The following FAT3 variants were observed in gnomAD, a reference collection of about 807,000 sequenced individuals.
FAT3 encodes the protein FAT atypical cadherin 3.
FAT3 carries 95 observed loss-of-function variants against 310.2 expected under a neutral mutation model. The ratio of observed to expected loss-of-function variants is 0.31; its 90% CI spans 0.26 to 0.36. FAT3 has a LOEUF of 0.36. FAT3 is among the 10% of genes least tolerant of loss of function. The pLI is 1.00. For missense variants in FAT3, 5,408 were observed against 5,715.6 expected, an observed-to-expected ratio of 0.95 and a Z score of 1.74; for synonymous variants, 2,314 against 2,192.9, an observed-to-expected ratio of 1.06 and a Z score of -1.54.
Position 92,844,655 on chromosome 11 carries a change from C to G in FAT3, c.11288C>G (p.Ala3763Gly), listed in dbSNP as rs183919308. 1 of 1,608,110 alleles carries G rather than the reference C, an allele frequency of 6.2e-7. No individual in the cohort carries two copies. Among genetic ancestry groups the G allele is most frequent in the Non-Finnish European group, 8.5e-7 (1 of 1,176,916 alleles). The change falls in exon 19 of 28, where the codon GCG (alanine) becomes GGG (glycine). Residue 3763 changes from alanine (A) to glycine (G), a missense_variant. Around this residue, in one of 5 missense-constraint regions of FAT3, gnomAD observed 4,588 missense variants for 4,809.8 expected, o/e 0.95. Transcript: ENST00000525166. ...CEQGLSLDSH[A>G]LMTYSTARIS... Reference sequence around the variant, plus strand: ...CAAGGCTTGTCACTCGATTCCCACGCGCTCATGACCTACAGCACGGCTCGC... The same window carrying G: ...CAAGGCTTGTCACTCGATTCCCACGGGCTCATGACCTACAGCACGGCTCGC...
Position 92,716,520 on chromosome 11 carries a change from T to C in FAT3, c.3669+19075T>C, listed in dbSNP as rs550691156. Among the ~76,000 whole-genome samples, 94 of 152,344 alleles carry C rather than the reference T, an allele frequency of 6.2e-4. 1 individual carries two copies. Among genetic ancestry groups the C allele is most frequent in the Non-Finnish European group, 1.0e-3 (69 of 68,032 alleles). On this transcript the variant is annotated intron_variant, in intron 4 of 27. Coordinates refer to ENST00000525166, the MANE Select transcript of FAT3 (RefSeq NM_001367949.2). The stretch of plus-strand genomic sequence containing the variant: ...ATATACAAAAATTATCTTTTTACTT[T>C]TACAGAAAATTTGCATATATCTTAG...
At chr11:92,400,155 A>G (rs2134860795) in intron 2 of FAT3, 1 of 152,294 alleles carries the variant, frequency 6.6e-6, no homozygotes, top group South Asian at 2.1e-4. Flanking sequence ...ATCTAGCAAA[A>G]TGAGTTGAAG....
intron 2 of FAT3, among the ~76,000 whole-genome samples, chr11:92,437,738 TC>T (rs1443469055): frequency 6.6e-6 from 1 of 152,158 alleles, no homozygotes; most frequent in Non-Finnish European, 1.5e-5. Context: ...GCTTGGCTTT[TC>T]CGTGTAGTGC....
At chr11:92,505,366 C>T (rs1201123245) in intron 2 of FAT3, among the ~76,000 whole-genome samples, 2 of 152,158 alleles carry the variant, frequency 1.3e-5, no homozygotes, top group Admixed American at 1.3e-4. Context: ...AGATATTACA[C>T]TTGATTCCTG....
intron 1 of FAT3, among the ~76,000 whole-genome samples, chr11:92,271,042 A>G (rs1388894237): frequency 6.6e-6 from 1 of 152,048 alleles, no homozygotes; most frequent in African/African-American, 2.4e-5. Flanking sequence ...TGTTCAAGCC[A>G]TCAGGATCTC....
intron 20 of FAT3, among the ~76,000 whole-genome samples, chr11:92,857,635 T>C (rs1042986090): frequency 5.3e-5 from 8 of 152,120 alleles, no homozygotes; most frequent in African/African-American, 1.7e-4. Context: ...TGTGAAATTG[T>C]GGAAAATAAA....
intron 7 of FAT3, among the ~76,000 whole-genome samples, chr11:92,782,923 C>T (rs1460385578): frequency 6.6e-6 from 1 of 152,314 alleles, no homozygotes; most frequent in Non-Finnish European, 1.5e-5. Flanking sequence ...CATCCTGAAC[C>T]TACTTAAAAG....
chr11:92,353,977 GCTT>G lies in FAT3; in HGVS notation c.1869_1871del (p.Phe624del), dbSNP rs1215373780. On this transcript the variant is annotated inframe_deletion, in exon 2 of 28. Transcript: ENST00000525166. ...AAAATCATTTCTGGAAATGAACTTG[GCTT>G]CTTTTATTTAAACCCAGATTCTGGT... The G allele has an allele frequency of 6.2e-7, 1 of 1,612,620 alleles. No individual in the cohort carries two copies.
intron 22 of FAT3, among the ~76,000 whole-genome samples, chr11:92,869,584 T>G (rs1279765345): frequency 6.6e-6 from 1 of 152,180 alleles, no homozygotes; most frequent in Non-Finnish European, 1.5e-5. Flanking sequence ...ATACCAATAG[T>G]ATATCAATAG....
intron 3 of FAT3, among the ~76,000 whole-genome samples, chr11:92,654,806 G>A (rs1034417173): frequency 2.6e-5 from 4 of 152,054 alleles, no homozygotes; most frequent in Non-Finnish European, 4.4e-5. Context: ...CTTTTTGAAA[G>A]AACAAGTCAG....
chr11:92,269,333 G>C (rs1450454114), intron 1 of FAT3, among the ~76,000 whole-genome samples: 7 of 152,038 alleles, frequency 4.6e-5, no homozygotes. Flanking sequence ...AAATCATTTA[G>C]GTCTGTGTTC....
intron 1 of FAT3, among the ~76,000 whole-genome samples, chr11:92,294,344 G>A (rs1436267530): frequency 6.6e-6 from 1 of 152,026 alleles, no homozygotes; most frequent in Non-Finnish European, 1.5e-5. Context: ...CTGAGGATTA[G>A]GGCTTCGGCA....
chr11:92,527,482 A>T (rs1021000866), intron 3 of FAT3, among the ~76,000 whole-genome samples: 2 of 152,154 alleles, frequency 1.3e-5, no homozygotes, highest in Non-Finnish European at 2.9e-5. Context: ...GGAAAATGAA[A>T]ATGACCTTGC....
chr11:92,866,643 C>G, intron 21 of FAT3, 98 bp from the exon 22 acceptor site: 2 of 1,087,946 alleles, frequency 1.8e-6, no homozygotes, highest in South Asian at 3.3e-5. Context: ...CACATTCCAG[C>G]TTTCTTGTGA....
intron 2 of FAT3, among the ~76,000 whole-genome samples, chr11:92,416,959 C>G (rs1950431139): frequency 6.6e-6 from 1 of 152,082 alleles, no homozygotes; most frequent in Non-Finnish European, 1.5e-5. Context: ...GGCATTTCGC[C>G]AGGGCAGCTT....
At chr11:92,679,397 A>G (rs1943397182) in intron 3 of FAT3, among the ~76,000 whole-genome samples, 2 of 151,958 alleles carry the variant, frequency 1.3e-5, no homozygotes, top group Non-Finnish European at 2.9e-5. Context: ...ATAATGGCTA[A>G]ACTAATATAC....
intron 13 of FAT3, among the ~76,000 whole-genome samples, chr11:92,822,516 T>G (rs1194822214): frequency 6.6e-6 from 1 of 152,218 alleles, no homozygotes; most frequent in African/African-American, 2.4e-5. Context: ...TTGTGAAATG[T>G]GCTTATCAGC....
intron 1 of FAT3, among the ~76,000 whole-genome samples, chr11:92,297,387 A>G (rs1946877616): frequency 6.6e-6 from 1 of 152,138 alleles, no homozygotes; most frequent in Non-Finnish European, 1.5e-5. Flanking sequence ...GTACCTAGTA[A>G]GTAAACATTT....
intron 1 of FAT3, among the ~76,000 whole-genome samples, chr11:92,338,770 T>C (rs1948160824): frequency 1.3e-5 from 2 of 152,334 alleles, no homozygotes; most frequent in South Asian, 2.1e-4. Context: ...GGATTCTAGC[T>C]GTCAAGGTGA....
Sources: allele counts gnomAD v4.1 joint callset (sites outside exome capture counted in the v4.1 genomes callset), GRCh38; gene constraint gnomAD v4.1.1; regional missense constraint gnomAD v4.1.1; transcripts MANE v1.5; gene names NCBI Gene and HGNC (gene_info 2026-07-23, HGNC 2026-07-21).